The following DGKH variants were observed in gnomAD, a reference collection of about 807,000 sequenced individuals.
The protein encoded by DGKH is diacylglycerol kinase eta.
A neutral mutation model predicts 159.3 loss-of-function variants in DGKH; 90 were observed. The ratio of observed to expected loss-of-function variants is 0.57; its 90% CI spans 0.48 to 0.67. The LOEUF (loss-of-function observed/expected upper bound fraction) is 0.67, where lower values mean the gene tolerates loss of function less well. Among genes scored for constraint, DGKH ranks in the 30% least tolerant of loss-of-function variants. The pLI is 0.00. For synonymous variants in DGKH, 536 were observed against 553.8 expected (o/e 0.97, Z 0.45); for missense variants, 1,181 against 1,506.1 (o/e 0.78, Z 3.57).
rs1433023176 is a variant in DGKH, at chr13:42,092,654, A to T, written c.193-34809A>T. Among the ~76,000 whole-genome samples, 3 of 152,148 alleles carry T rather than the reference A, an allele frequency of 2.0e-5. No individual in the cohort carries two copies. The South Asian group carries it at 6.2e-4, about 32-fold the overall frequency. On this transcript the variant is annotated intron_variant, in intron 1 of 29. Transcript: ENST00000337343. ...TTAATGGTACAAAAAATATAGTTAG[A>T]TAGAAGGAGTAAGTTGTAGTGTCTG...
rs774191597 is a variant in DGKH at position 42,166,502 on chromosome 13, G to GTT, written c.959-7_959-6dup. ...GCTGTATGTATTGATCTTGTGTTGT[G>GTT]TTTTTTTCACAGGTTTCTGTAGAGC... On this transcript the variant is annotated splice_polypyrimidine_tract_variant and intron_variant, in intron 8 of 29. Transcript: ENST00000337343. The GTT allele has an allele frequency of 6.7e-7, 1 of 1,497,918 alleles. No individual in the cohort carries two copies. The highest frequency in any genetic ancestry group is 1.4e-5 in the African/African-American group (1 of 70,410). 92.8% of individuals were successfully genotyped at this position (1,497,918 alleles called of 1,614,324 possible). A position where few individuals can be genotyped will look rare whatever the true frequency, so the allele number is the denominator to read the frequency against.
intron 24 of DGKH, among the ~76,000 whole-genome samples, chr13:42,211,929 C>G (rs1957668050): frequency 6.6e-6 from 1 of 152,124 alleles, no homozygotes; most frequent in South Asian, 2.1e-4. Context: ...TCAGTTACCT[C>G]CCACTGGTCT....
chr13:42,159,244 CTTTTTTTTT>C lies in DGKH; in HGVS notation c.623-11_623-3del, dbSNP rs57531279. 3 of 215,500 alleles carry C rather than the reference CTTTTTTTTT, an allele frequency of 1.4e-5. No homozygotes were observed. Among genetic ancestry groups the C allele is most frequent in the East Asian group, 1.7e-4 (2 of 11,558 alleles). 13.3% of individuals were successfully genotyped at this position (215,500 alleles called of 1,614,324 possible). On this transcript the variant is annotated splice_polypyrimidine_tract_variant and intron_variant, in intron 5 of 29. Coordinates refer to ENST00000337343, the MANE Select transcript of DGKH (RefSeq NM_178009.5). Reference sequence around the variant, plus strand: ...TCTTGTCCACTTAAAAGCAGTTGCTCTTTTTTTTTTTTTTTTTTTAGTGTGTAAATTCAA... The same window carrying C: ...TCTTGTCCACTTAAAAGCAGTTGCTCTTTTTTTTTTAGTGTGTAAATTCAA...
chr13:42,220,089 C>T (rs1957927358), intron 28 of DGKH, among the ~76,000 whole-genome samples: 1 of 152,174 alleles, frequency 6.6e-6, no homozygotes, highest in Non-Finnish European at 1.5e-5. Context: ...TTTGCTTCTA[C>T]TTTGTTTAGT....
Position 42,190,426 on chromosome 13 carries a change from C to G in DGKH, c.1936C>G (p.Pro646Ala). Residue 646 changes from proline to alanine, a missense_variant, in exon 16 of 30, where the codon CCC (proline) becomes GCC (alanine). This residue lies in a region of DGKH where 257 missense variants were observed against 281.5 expected (regional missense o/e 0.91). Transcript: ENST00000337343. Reference sequence around the variant, plus strand: ...AGTTATGGATGACCCGACAGTTCACCCCTGTGAACCAGCTAATCAGTCCTC... The same window carrying G: ...AGTTATGGATGACCCGACAGTTCACGCCTGTGAACCAGCTAATCAGTCCTC... ...GKVMDDPTVH[P>A]CEPANQSSDY... The G allele has an allele frequency of 2.5e-6, 4 of 1,608,414 alleles. No homozygotes were observed. Among genetic ancestry groups the G allele is most frequent in the Non-Finnish European group, 3.4e-6 (4 of 1,178,110 alleles).
At chr13:42,251,945 C>T (rs770345716) in intron 29 of DGKH, among the ~76,000 whole-genome samples, 1 of 152,162 alleles carries the variant, frequency 6.6e-6, no homozygotes, top group African/African-American at 2.4e-5. Flanking sequence ...GTCCTCATCA[C>T]GCTGCACAAA....
At chr13:42,145,367 T>C (rs1566128515) in intron 3 of DGKH, among the ~76,000 whole-genome samples, 1 of 152,128 alleles carries the variant, frequency 6.6e-6, no homozygotes. Flanking sequence ...GTTGTTTATT[T>C]TGTCGGTTGC....
rs1954637237 is a variant in DGKH, at chr13:42,100,728, A to G, written c.193-26735A>G. Among the ~76,000 whole-genome samples, 2 of 152,300 alleles carry G rather than the reference A, an allele frequency of 1.3e-5. 1 individual carries two copies. The highest frequency in any genetic ancestry group is 6.8e-3 in the Middle Eastern group (2 of 294). On this transcript the variant is annotated intron_variant, in intron 1 of 29. Transcript: ENST00000337343. ...GAATCTACTGCTGAAATTATTGGAC[A>G]TTCACCTTACAGGAATTCAACCCGC...
At chr13:42,186,646 T>C (rs1452331927) in intron 13 of DGKH, among the ~76,000 whole-genome samples, 1 of 152,228 alleles carries the variant, frequency 6.6e-6, no homozygotes. Flanking sequence ...TGATGAGTCG[T>C]GGCTTGACAG....
chr13:42,140,205 C>T (rs757459191), intron 3 of DGKH, among the ~76,000 whole-genome samples: 1 of 152,188 alleles, frequency 6.6e-6, no homozygotes, highest in Non-Finnish European at 1.5e-5. Flanking sequence ...GCCTTTGGCA[C>T]CTTGTGGATT....
chr13:42,145,738 A>G (rs1955710455), intron 3 of DGKH, among the ~76,000 whole-genome samples: 1 of 152,182 alleles, frequency 6.6e-6, no homozygotes, highest in South Asian at 2.1e-4. Flanking sequence ...TCTTGTTGGT[A>G]GGGGATGCTT....
At chr13:42,203,195 A>G (rs373015609) in intron 20 of DGKH, among the ~76,000 whole-genome samples, 3 of 152,194 alleles carry the variant, frequency 2.0e-5, no homozygotes, top group East Asian at 3.8e-4. Flanking sequence ...ATCATTTTGA[A>G]TGAAGTTTAC....
chr13:42,100,038 G>A (rs1438645373), intron 1 of DGKH, among the ~76,000 whole-genome samples: 1 of 152,192 alleles, frequency 6.6e-6, no homozygotes. Context: ...CCAGTCCGTG[G>A]CCTGTGAGGA....
intron 1 of DGKH, among the ~76,000 whole-genome samples, chr13:42,092,656 A>G (rs558861529): frequency 2.6e-5 from 4 of 152,308 alleles, no homozygotes; most frequent in African/African-American, 7.2e-5. Flanking sequence ...ATAGTTAGAT[A>G]GAAGGAGTAA....
intron 3 of DGKH, among the ~76,000 whole-genome samples, chr13:42,151,471 A>T (rs61959231): frequency 1.6e-4 from 22 of 136,998 alleles, no homozygotes; most frequent in Admixed American, 6.1e-4. Flanking sequence ...ACTGAGTAGT[A>T]TTCCATGGTG....
At chr13:42,094,911 A>T (rs1337472153) in intron 1 of DGKH, among the ~76,000 whole-genome samples, 1 of 152,172 alleles carries the variant, frequency 6.6e-6, no homozygotes, top group Non-Finnish European at 1.5e-5. Context: ...AGCAGAAAAC[A>T]AATGGGTAGT....
At chr13:42,088,789 G>C (rs1364524149) in intron 1 of DGKH, among the ~76,000 whole-genome samples, 1 of 152,162 alleles carries the variant, frequency 6.6e-6, no homozygotes, top group Non-Finnish European at 1.5e-5. Context: ...CACATTAATT[G>C]TAAGTTTTCT....
intron 1 of DGKH, chr13:42,070,440 C>A (rs1882885250): frequency 7.6e-7 from 1 of 1,319,448 alleles, no homozygotes; most frequent in Non-Finnish European, 1.1e-6. Flanking sequence ...GAGATGCAGC[C>A]TGCAGCCCAC....
chr13:42,077,607 T>G (rs115136313), intron 1 of DGKH, among the ~76,000 whole-genome samples: 1 of 152,254 alleles, frequency 6.6e-6, no homozygotes, highest in Non-Finnish European at 1.5e-5. Context: ...TTTACTATGC[T>G]TGGCCCTGGC....
Sources: gnomAD v4.1 joint callset for allele counts (sites outside exome capture counted in the v4.1 genomes callset) on GRCh38, gnomAD v4.1.1 for gene constraint, gnomAD v4.1.1 regional missense constraint, MANE v1.5 for transcripts, NCBI Gene and HGNC (gene_info 2026-07-23, HGNC 2026-07-21) for gene names.